Variants in CDK14 observed in about 807,000 individuals in gnomAD.
The protein encoded by CDK14 is cyclin dependent kinase 14.
CDK14 carries 34 observed loss-of-function variants against 60.7 expected under a neutral mutation model. The ratio of observed to expected loss-of-function variants is 0.56; its 90% CI spans 0.43 to 0.75. The LOEUF is 0.75. Among genes scored for constraint, CDK14 ranks in the 30% least tolerant of loss-of-function variants. The pLI is 0.00. For missense variants in CDK14, 482 were observed against 564.1 expected (o/e 0.85, Z 1.47); for synonymous variants, 197 against 203.7 (o/e 0.97, Z 0.28).
intron 12 of CDK14, among the ~76,000 whole-genome samples, chr7:91,087,963 G>C (rs1044061109): frequency 2.6e-5 from 4 of 152,192 alleles, no homozygotes; most frequent in Admixed American, 6.5e-5. Context: ...TTATTAGACA[G>C]TTTTCCAAAT....
chr7:91,047,536 G>A (rs1242483154), intron 11 of CDK14, among the ~76,000 whole-genome samples: 2 of 152,272 alleles, frequency 1.3e-5, no homozygotes, highest in South Asian at 2.1e-4. Context: ...GCACTTGATC[G>A]TATTGAATGT....
intron 2 of CDK14, chr7:90,710,124 G>A: frequency 1.0e-6 from 1 of 982,662 alleles, no homozygotes; most frequent in Non-Finnish European, 1.2e-6. Context: ...GATTGATAAA[G>A]GGGGTATTTA....
chr7:90,648,424 T>C (rs943148741), intron 2 of CDK14, among the ~76,000 whole-genome samples: 1 of 152,148 alleles, frequency 6.6e-6, no homozygotes, highest in African/African-American at 2.4e-5. Flanking sequence ...CACATTGTCA[T>C]TTCTGTAATA....
intron 2 of CDK14, among the ~76,000 whole-genome samples, chr7:90,617,769 G>A (rs1226208294): frequency 1.3e-5 from 2 of 152,124 alleles, no homozygotes; most frequent in Admixed American, 6.5e-5. Context: ...ATTGTTTGGT[G>A]AGATGTAAAC....
chr7:90,633,810 A>G (rs868398348), intron 2 of CDK14, among the ~76,000 whole-genome samples: 3 of 152,128 alleles, frequency 2.0e-5, no homozygotes, highest in African/African-American at 2.4e-5. Flanking sequence ...TATTTCTTAA[A>G]GCAGTAGATG....
At chr7:91,042,981 T>C (rs1345683077) in intron 10 of CDK14, among the ~76,000 whole-genome samples, 2 of 152,222 alleles carry the variant, frequency 1.3e-5, no homozygotes, top group Non-Finnish European at 2.9e-5. Context: ...TTTTAATTAT[T>C]CTTTTCCTTT....
At chr7:90,596,840 G>T in intron 1 of CDK14, 122 bp downstream of exon 1, 1 of 781,972 alleles carries the variant, frequency 1.3e-6, no homozygotes. Flanking sequence ...GTTGTAGGCG[G>T]GGATCGAGGG....
intron 8 of CDK14, among the ~76,000 whole-genome samples, chr7:90,931,739 G>A (rs543825376): frequency 6.6e-6 from 1 of 152,246 alleles, no homozygotes; most frequent in Admixed American, 6.5e-5. Flanking sequence ...GATCAGGAGG[G>A]ACTAGAGAAA....
intron 2 of CDK14, among the ~76,000 whole-genome samples, chr7:90,616,859 T>C (rs542079124): frequency 6.6e-6 from 1 of 152,254 alleles, no homozygotes; most frequent in Non-Finnish European, 1.5e-5. Flanking sequence ...GTTACCTTAT[T>C]ATATCATCAT....
At chr7:91,038,068 C>T (rs1796983384) in intron 10 of CDK14, among the ~76,000 whole-genome samples, 1 of 152,172 alleles carries the variant, frequency 6.6e-6, no homozygotes, top group Non-Finnish European at 1.5e-5. Flanking sequence ...TCAGTCCTGC[C>T]TTCTTTCTCC....
chr7:90,993,870 G>A (rs944931740), intron 10 of CDK14, among the ~76,000 whole-genome samples: 2 of 151,990 alleles, frequency 1.3e-5, no homozygotes, highest in African/African-American at 4.8e-5. Context: ...CCTACCACCT[G>A]TAAATATTTC....
At chr7:90,686,061 G>A (rs571699061) in intron 2 of CDK14, among the ~76,000 whole-genome samples, 1 of 152,096 alleles carries the variant, frequency 6.6e-6, no homozygotes, top group African/African-American at 2.4e-5. Context: ...TGTGTTTTTG[G>A]ACAAGTTACT....
intron 5 of CDK14, among the ~76,000 whole-genome samples, chr7:90,828,042 A>G (rs2117099781): frequency 6.6e-6 from 1 of 152,356 alleles, no homozygotes; most frequent in Admixed American, 6.5e-5. Flanking sequence ...CTTAAACGTA[A>G]TACTTTATGA....
At position 90,852,839 on chromosome 7, in the gene CDK14, T is replaced by C. The variant is rs73401813; in HGVS notation, c.545-10336T>C. Among the ~76,000 whole-genome samples, 499 of 152,300 alleles carry C rather than the reference T, an allele frequency of 3.3e-3. 5 individuals carry two copies. Among genetic ancestry groups the C allele is most frequent in the African/African-American group, 0.011 (468 of 41,568 alleles). On this transcript the variant is annotated intron_variant, in intron 5 of 14. Transcript: ENST00000380050. ...AGTCAGCCTGAGGGATTTTAAGGCT[T>C]GTCCAGGCCTAGGAGGATGACTGCC...
chr7:90,780,496 A>C (rs1199564374), intron 4 of CDK14, among the ~76,000 whole-genome samples: 2 of 150,768 alleles, frequency 1.3e-5, no homozygotes, highest in African/African-American at 4.9e-5. Flanking sequence ...ACATATGTAT[A>C]CATGTGCCAT....
intron 10 of CDK14, among the ~76,000 whole-genome samples, chr7:91,042,093 A>G (rs1454524947): frequency 1.3e-5 from 2 of 152,182 alleles, no homozygotes; most frequent in African/African-American, 2.4e-5. Flanking sequence ...TCTTTCAGGA[A>G]AAAGTGACCC....
chr7:91,009,002 C>G (rs142239189), intron 10 of CDK14, among the ~76,000 whole-genome samples: 1 of 151,290 alleles, frequency 6.6e-6, no homozygotes, highest in African/African-American at 2.4e-5. Flanking sequence ...TCCTTGTAGT[C>G]CCCCCTTTCC....
At position 91,092,019 on chromosome 7, in the gene CDK14, A is replaced by G. The variant is rs555500996; in HGVS notation, c.1154+12539A>G. On this transcript the variant is annotated intron_variant, in intron 12 of 14. Coordinates refer to ENST00000380050, the MANE Select transcript of CDK14 (RefSeq NM_001287135.2). ...GTAGTTGGACCCCAGATGATACTCA[A>G]TGTGCAGCGTTTTAATCCTATTTAT... 5.9e-5 allele frequency among the ~76,000 whole-genome samples: 9 copies of G among 152,250 alleles called. No homozygotes were observed. The South Asian group carries it at 6.2e-4, about 11-fold the overall frequency.
intron 1 of CDK14, among the ~76,000 whole-genome samples, chr7:90,597,518 CT>C (rs1799219269): frequency 6.6e-6 from 1 of 152,110 alleles, no homozygotes; most frequent in Non-Finnish European, 1.5e-5. Flanking sequence ...CCCTTTTAAC[CT>C]GAAGAGTTAG....
Sources: gnomAD v4.1 joint callset for allele counts (sites outside exome capture counted in the v4.1 genomes callset) on GRCh38, gnomAD v4.1.1 for gene constraint, MANE v1.5 for transcripts, NCBI Gene and HGNC (gene_info 2026-07-23, HGNC 2026-07-21) for gene names.